Variants in ZMYM1 observed in about 807,000 individuals in gnomAD.
The protein encoded by ZMYM1 is zinc finger MYM-type protein 1.
A neutral mutation model predicts 60.0 loss-of-function variants in ZMYM1; 39 were observed. The ratio of observed to expected loss-of-function variants is 0.65; its 90% CI spans 0.50 to 0.85. The LOEUF (loss-of-function observed/expected upper bound fraction) is 0.85. Ranked by LOEUF, ZMYM1 falls within the 40% of genes least tolerant of loss-of-function variation. The pLI is 0.00. For missense variants in ZMYM1, 1,171 were observed against 1,309.5 expected (o/e 0.89, Z 1.63); for synonymous variants, 413 against 454.0 (o/e 0.91, Z 1.15).
intron 1 of ZMYM1, among the ~76,000 whole-genome samples, chr1:35,061,126 C>A (rs1001817074): frequency 2.6e-5 from 4 of 152,240 alleles, no homozygotes; most frequent in Non-Finnish European, 4.4e-5. Flanking sequence ...TCTATGGTCA[C>A]ATCAGCCTAG....
chr1:35,067,137 C>A (rs1641985851), intron 1 of ZMYM1, among the ~76,000 whole-genome samples: 2 of 152,094 alleles, frequency 1.3e-5, no homozygotes, highest in South Asian at 4.2e-4. Context: ...CGCCACTACG[C>A]CTGGCTAATT....
chr1:35,112,000 C>T (rs1644104462), intron 8 of ZMYM1, 87 bp from the exon 9 acceptor site: 3 of 1,539,180 alleles, frequency 1.9e-6, no homozygotes, highest in East Asian at 2.3e-5. Flanking sequence ...CTTTTTGTTT[C>T]TTATATGAAA....
intron 1 of ZMYM1, among the ~76,000 whole-genome samples, chr1:35,073,717 G>A (rs1459620361): frequency 6.6e-6 from 1 of 151,516 alleles, no homozygotes; most frequent in Non-Finnish European, 1.5e-5. Context: ...AAGGAAGGAA[G>A]GAAAATCATT....
At chr1:35,086,558 A>C (rs1557647101) in intron 1 of ZMYM1, among the ~76,000 whole-genome samples, 1 of 152,184 alleles carries the variant, frequency 6.6e-6, no homozygotes, top group Non-Finnish European at 1.5e-5. Flanking sequence ...AATAGTCTCT[A>C]TATAAATTAG....
intron 1 of ZMYM1, among the ~76,000 whole-genome samples, chr1:35,089,005 G>A (rs1379735162): frequency 6.6e-6 from 1 of 151,618 alleles, no homozygotes; most frequent in East Asian, 1.9e-4. Context: ...GTGGAGATGG[G>A]GTTTCACTGT....
rs1243461369 is a variant in ZMYM1, at chr1:35,100,025, G to A, written c.419+2459G>A. On this transcript the variant is annotated intron_variant, in intron 4 of 9. Coordinates refer to ENST00000359858, the MANE Select transcript of ZMYM1 (RefSeq NM_024772.5). ...CCTGCCTCAGCCTCCCAAGTAGCTGGGATTACAGGCGTGTGCCACTGTGCC... is the reference window on the plus strand; with the variant it reads ...CCTGCCTCAGCCTCCCAAGTAGCTGAGATTACAGGCGTGTGCCACTGTGCC... 4.6e-5 allele frequency among the ~76,000 whole-genome samples: 7 copies of A among 152,226 alleles called. No individual in the cohort carries two copies. In the South Asian group the frequency reaches 8.3e-4, roughly 18 times the overall value.
At chr1:35,061,004 C>A (rs1224102621) in intron 1 of ZMYM1, among the ~76,000 whole-genome samples, 1 of 152,224 alleles carries the variant, frequency 6.6e-6, no homozygotes, top group Non-Finnish European at 1.5e-5. Flanking sequence ...GGCTGAACAG[C>A]TCCTCCCCAA....
rs1385808327 is a variant in ZMYM1 at position 35,115,467 on chromosome 1, A to G, written c.*208A>G. The G allele has an allele frequency of 1.0e-5, 4 of 387,336 alleles. No homozygotes were observed. The highest frequency in any genetic ancestry group is 4.4e-5 in the Admixed American group (1 of 22,884). 24.0% of individuals were successfully genotyped at this position (387,336 alleles called of 1,614,324 possible). ...TTTCCTAAGTGGTATTGTACGGTGT[A>G]TACTGTTCTTCAGCTTGTCTTCTCT... is the stretch of plus-strand genomic sequence containing the variant. On this transcript the variant is annotated 3_prime_UTR_variant, in exon 10 of 10. Transcript: ENST00000359858.
At chr1:35,103,875 T>G (rs79645005) in intron 4 of ZMYM1, among the ~76,000 whole-genome samples, 31 of 152,346 alleles carry the variant, frequency 2.0e-4, no homozygotes, top group Non-Finnish European at 3.5e-4. Flanking sequence ...GAATATGTGA[T>G]CTCTCATCAT....
chr1:35,087,056 G>A (rs1308670158), intron 1 of ZMYM1, among the ~76,000 whole-genome samples: 3 of 133,656 alleles, frequency 2.2e-5, no homozygotes, highest in Admixed American at 8.3e-5. Context: ...GCAGTGGCAC[G>A]ATCTCCACTC....
At chr1:35,076,084 A>G (rs543244584), upstream of ZMYM1, among the ~76,000 whole-genome samples, 9 of 152,312 alleles carry the variant, frequency 5.9e-5, no homozygotes, top group African/African-American at 1.9e-4. Context: ...CAACTCTTTC[A>G]CAGGACATTC....
chr1:35,063,032 T>A (rs2148474185), intron 1 of ZMYM1, among the ~76,000 whole-genome samples: 1 of 152,146 alleles, frequency 6.6e-6, no homozygotes, highest in African/African-American at 2.4e-5. Context: ...CTCCAGGCAG[T>A]GACTCAGGGA....
At chr1:35,064,691 T>C (rs943786577) in intron 1 of ZMYM1, among the ~76,000 whole-genome samples, 2 of 145,140 alleles carry the variant, frequency 1.4e-5, no homozygotes, top group East Asian at 4.0e-4. Flanking sequence ...TATTTCTTTT[T>C]TTTTTTTTTT....
At position 35,114,111 on chromosome 1, in the gene ZMYM1, G is replaced by A. The variant is rs1644187310; in HGVS notation, c.2281G>A (p.Val761Ile). The A allele has an allele frequency of 6.2e-7, 1 of 1,612,942 alleles. No homozygotes were observed. The highest frequency in any genetic ancestry group is 8.5e-7 in the Non-Finnish European group (1 of 1,179,664). Reference protein sequence around the residue: ...DLSIIRFCKEVKELRSALKTL... With the variant: ...DLSIIRFCKEIKELRSALKTL... Reference sequence around the variant, plus strand: ...ATCAATAATTAGGTTTTGTAAAGAAGTAAAAGAACTCCGAAGTGCTCTAAA... The same window carrying A: ...ATCAATAATTAGGTTTTGTAAAGAAATAAAAGAACTCCGAAGTGCTCTAAA... The change falls in exon 10 of 10, where the codon GTA becomes ATA. Residue 761 changes from valine (V) to isoleucine (I), a missense_variant. Coordinates refer to ENST00000359858, the MANE Select transcript of ZMYM1 (RefSeq NM_024772.5).
chr1:35,083,703 A>T (rs1182544212), intron 1 of ZMYM1, among the ~76,000 whole-genome samples: 1 of 151,918 alleles, frequency 6.6e-6, no homozygotes, highest in Non-Finnish European at 1.5e-5. Flanking sequence ...GTAACCTGGA[A>T]CTCTTTCCTG....
chr1:35,117,945 AAG>A (rs748916626), downstream of ZMYM1, among the ~76,000 whole-genome samples: 19 of 151,952 alleles, frequency 1.3e-4, no homozygotes, highest in Admixed American at 4.6e-4. Flanking sequence ...CGTTTCAAAA[AAG>A]AGAGAAAATA....
chr1:35,093,851 A>G (rs1247640578), intron 1 of ZMYM1, 63 bp from the exon 2 acceptor site: 4 of 593,902 alleles, frequency 6.7e-6, no homozygotes, highest in African/African-American at 5.8e-5. Flanking sequence ...GTGGTTCTAG[A>G]AAATTACCAT....
chr1:35,078,962 T>C (rs976542717), upstream of ZMYM1: 3 of 150,106 alleles, frequency 2.0e-5, no homozygotes, highest in Admixed American at 6.6e-5. Flanking sequence ...TTTGCTAACA[T>C]TGCCTGTCAT....
intron 1 of ZMYM1, among the ~76,000 whole-genome samples, chr1:35,060,346 G>A (rs926950527): frequency 6.6e-6 from 1 of 151,882 alleles, no homozygotes; most frequent in Non-Finnish European, 1.5e-5. Context: ...TTTTAGTAGA[G>A]ACGGGGTTTC....
Sources: allele counts gnomAD v4.1 joint callset (sites outside exome capture counted in the v4.1 genomes callset), GRCh38; gene constraint gnomAD v4.1.1; transcripts MANE v1.5; gene names NCBI Gene and HGNC (gene_info 2026-07-23, HGNC 2026-07-21).